Variants in NAALADL2 observed in about 807,000 individuals in gnomAD.
NAALADL2 encodes N-acetylated alpha-linked acidic dipeptidase like 2.
In NAALADL2, 76 loss-of-function variants were observed where a neutral mutation model predicts 87.2. The ratio of observed to expected loss-of-function variants is 0.87; its 90% CI spans 0.72 to 1.05. The LOEUF (loss-of-function observed/expected upper bound fraction) is 1.05. Among genes scored for constraint, NAALADL2 ranks in the 50% least tolerant of loss-of-function variants. The pLI is 0.00. For missense variants in NAALADL2, 1,089 were observed against 945.8 expected (o/e 1.15, Z -1.99); for synonymous variants, 354 against 331.0 (o/e 1.07, Z -0.75).
At chr3:174,484,978 C>T (rs183243327) in intron 1 of NAALADL2, among the ~76,000 whole-genome samples, 9 of 152,054 alleles carry the variant, frequency 5.9e-5, no homozygotes, top group East Asian at 3.9e-4. Flanking sequence ...AACATTAGGA[C>T]ATTGCAATGG....
At chr3:175,078,272 G>T (rs188879856) in intron 1 of NAALADL2, among the ~76,000 whole-genome samples, 11 of 152,064 alleles carry the variant, frequency 7.2e-5, no homozygotes, top group Admixed American at 2.6e-4. Flanking sequence ...TGATCTGCCC[G>T]CATTGGCCTC....
chr3:175,391,881 C>A (rs563035765), intron 5 of NAALADL2, among the ~76,000 whole-genome samples: 1 of 152,004 alleles, frequency 6.6e-6, no homozygotes, highest in Admixed American at 6.6e-5. Context: ...TCTCAGATTA[C>A]ACTTTGAATA....
At position 175,726,647 on chromosome 3, in the gene NAALADL2, G is replaced by A. The variant is rs556809068; in HGVS notation, c.1897-10659G>A. On this transcript the variant is annotated intron_variant, in intron 11 of 13. Transcript: ENST00000454872. ...ACTTGATAATGTGCTTTCTATTGGC[G>A]GTCTTGTCTTCCTTGTCTCTCCTTC... Among the ~76,000 whole-genome samples the A allele has an allele frequency of 8.5e-5, 13 of 152,120 alleles. No homozygotes were observed. The South Asian group carries it at 2.5e-3, about 29-fold the overall frequency.
At chr3:174,669,962 G>C (rs1726368941) in intron 2 of NAALADL2, among the ~76,000 whole-genome samples, 1 of 151,668 alleles carries the variant, frequency 6.6e-6, no homozygotes, top group Non-Finnish European at 1.5e-5. Flanking sequence ...TATCTCCTTG[G>C]TTAAGTTTAT....
At chr3:175,181,727 GTA>G (rs1269956365) in intron 2 of NAALADL2, among the ~76,000 whole-genome samples, 1 of 17,048 alleles carries the variant, frequency 5.9e-5, no homozygotes, top group African/African-American at 1.2e-4. Context: ...GTATATATAT[GTA>G]TATATGTGTA....
intron 2 of NAALADL2, among the ~76,000 whole-genome samples, chr3:174,577,208 A>G (rs1200160850): frequency 1.3e-5 from 2 of 152,158 alleles, no homozygotes; most frequent in African/African-American, 4.8e-5. Flanking sequence ...CATTTCAAAA[A>G]TAATTTTCTC....
intron 3 of NAALADL2, among the ~76,000 whole-genome samples, chr3:174,811,877 T>C (rs9290520): frequency 0.28 from 43,302 of 152,028 alleles, 6,191 homozygotes; most frequent in East Asian, 0.35. Flanking sequence ...GTGGATCCTT[T>C]ATGAATGCTT....
At chr3:174,802,569 G>A (rs1718969749) in intron 3 of NAALADL2, among the ~76,000 whole-genome samples, 1 of 152,114 alleles carries the variant, frequency 6.6e-6, no homozygotes. Flanking sequence ...TGCCATGTTG[G>A]TTTGCTGCGA....
chr3:175,538,692 T>A (rs1711740101), intron 9 of NAALADL2, among the ~76,000 whole-genome samples: 1 of 152,194 alleles, frequency 6.6e-6, no homozygotes, highest in Non-Finnish European at 1.5e-5. Flanking sequence ...TCCAAGAAGG[T>A]ACAACCTATG....
intron 11 of NAALADL2, among the ~76,000 whole-genome samples, chr3:175,706,881 C>T (rs985271811): frequency 6.6e-6 from 1 of 152,060 alleles, no homozygotes; most frequent in Non-Finnish European, 1.5e-5. Flanking sequence ...ATCCAGGGCA[C>T]TCATAATAAT....
chr3:175,027,033 T>C (rs1752304812), intron 1 of NAALADL2, among the ~76,000 whole-genome samples: 1 of 152,144 alleles, frequency 6.6e-6, no homozygotes, highest in Non-Finnish European at 1.5e-5. Flanking sequence ...CACCTGTTAC[T>C]GTTAAGGGTG....
At chr3:175,185,676 A>C (rs1328124657) in intron 2 of NAALADL2, among the ~76,000 whole-genome samples, 1 of 151,390 alleles carries the variant, frequency 6.6e-6, no homozygotes, top group Non-Finnish European at 1.5e-5. Context: ...GGCACTGGGA[A>C]TGTCTTATTT....
At chr3:175,132,453 T>TC (rs1271530828) in intron 2 of NAALADL2, among the ~76,000 whole-genome samples, 4,521 of 4,558 alleles carry the variant, frequency 0.99, 2,248 homozygotes, top group African/African-American at 1. Flanking sequence ...CCCCACCTCC[T>TC]CCGGACGGGG....
intron 11 of NAALADL2, among the ~76,000 whole-genome samples, chr3:175,711,660 A>G (rs34870853): frequency 0.32 from 49,180 of 151,738 alleles, 10,753 homozygotes; most frequent in African/African-American, 0.62. Flanking sequence ...TTCATTTCTT[A>G]TAAAATGTAT....
In NAALADL2 at chr3:175,495,090, A is replaced by ATTTTT. The variant is rs1482846281; in HGVS notation, c.1653+23333_1653+23334insTTTTT. 7.5e-5 allele frequency among the ~76,000 whole-genome samples: 10 copies of ATTTTT among 134,072 alleles called. No individual in the cohort carries two copies. In the South Asian group the frequency reaches 7.6e-4, roughly 10 times the overall value. 88.0% of individuals were successfully genotyped at this position (134,072 alleles called of 152,430 possible). On this transcript the variant is annotated intron_variant, in intron 9 of 13. Transcript: ENST00000454872. Reference sequence around the variant, plus strand: ...AGCAATCCCATATATATATATATATATATTTTTTTTTAATTTTAGATTATT... The same window carrying ATTTTT: ...AGCAATCCCATATATATATATATATATTTTTTATTTTTTTTTAATTTTAGATTATT...
At chr3:175,192,414 C>T (rs947846918) in intron 2 of NAALADL2, among the ~76,000 whole-genome samples, 6 of 151,926 alleles carry the variant, frequency 3.9e-5, no homozygotes, top group East Asian at 1.9e-4. Context: ...CTCATAAATC[C>T]GTTTGTCGTA....
intron 5 of NAALADL2, among the ~76,000 whole-genome samples, chr3:175,335,248 C>T (rs1005355294): frequency 2.0e-5 from 3 of 152,060 alleles, no homozygotes; most frequent in Non-Finnish European, 4.4e-5. Flanking sequence ...GCAGCCATAC[C>T]AGTCATATTT....
At chr3:175,085,662 C>A (rs1419913213) in intron 1 of NAALADL2, among the ~76,000 whole-genome samples, 1 of 152,076 alleles carries the variant, frequency 6.6e-6, no homozygotes, top group East Asian at 1.9e-4. Context: ...CGGTGGCTCA[C>A]GCCTGTAATC....
At chr3:175,467,257 C>A in intron 8 of NAALADL2, 73 bp downstream of exon 8, 1 of 1,309,200 alleles carries the variant, frequency 7.6e-7, no homozygotes, top group Non-Finnish European at 1.1e-6. Context: ...GTAAAATTTT[C>A]AAAGCCAAGG....
Sources: allele counts gnomAD v4.1 joint callset (sites outside exome capture counted in the v4.1 genomes callset), GRCh38; gene constraint gnomAD v4.1.1; transcripts MANE v1.5; gene names NCBI Gene and HGNC (gene_info 2026-07-23, HGNC 2026-07-21).